MCM3: variants seen among roughly 807,000 people sequenced by gnomAD.
MCM3 encodes minichromosome maintenance complex component 3.
Under a neutral mutation model 91.3 loss-of-function variants are expected in MCM3, and 59 were observed. That is an observed-to-expected ratio of 0.65 (90% CI 0.52 to 0.80). MCM3 has a LOEUF of 0.80. Among genes scored for constraint, MCM3 ranks in the 30% least tolerant of loss-of-function variants. The pLI is 0.00. For synonymous variants in MCM3, 383 were observed against 379.6 expected, an observed-to-expected ratio of 1.01 and a Z score of -0.10; for missense variants, 919 against 1,035.4, an observed-to-expected ratio of 0.89 and a Z score of 1.54.
chr6:52,267,118 G>A (rs950060233), intron 14 of MCM3, among the ~76,000 whole-genome samples: 9 of 35,522 alleles, frequency 2.5e-4, no homozygotes, highest in Non-Finnish European at 6.3e-4. Flanking sequence ...TTTTTGAGAC[G>A]GACGGAGTCT....
chr6:52,269,169 C>T lies in MCM3; in HGVS notation c.1885G>A (p.Ala629Thr). ...ETLIRLATAH[A>T]KARMSKTVDL... is the part of the protein sequence containing the mutation. ...ACAGTCTTGCTCATGCGGGCCTTCG[C>T]ATGGGCTGTGGCCAGTCGAATCAGA... The change falls in exon 13 of 17, where the codon GCG becomes ACG. Residue 629 changes from alanine to threonine, a missense_variant. Ala to Thr is a moderately conservative substitution (Grantham distance 58). This residue lies in a region of MCM3 where 285 missense variants were observed against 311.4 expected (regional missense o/e 0.92). Coordinates refer to ENST00000596288, the MANE Select transcript of MCM3 (RefSeq NM_002388.6). The T allele has an allele frequency of 6.2e-7, 1 of 1,614,020 alleles. No individual in the cohort carries two copies. The highest frequency in any genetic ancestry group is 8.5e-7 in the Non-Finnish European group (1 of 1,179,888).
chr6:52,279,423 C>G lies in MCM3; in HGVS notation c.708G>C (p.Gln236His), dbSNP rs2307331. The G allele has an allele frequency of 6.2e-6, 10 of 1,614,142 alleles. No individual in the cohort carries two copies. Among genetic ancestry groups the G allele is most frequent in the East Asian group, 2.2e-5 (1 of 44,888 alleles). Residue 236 changes from glutamine (Q) to histidine (H), a missense_variant, in exon 5 of 17, where the codon CAG (glutamine) becomes CAC (histidine). Around this residue, in one of 3 missense-constraint regions of MCM3, gnomAD observed 401 missense variants for 402.7 expected, o/e 1.00. Coordinates refer to ENST00000596288, the MANE Select transcript of MCM3 (RefSeq NM_002388.6). The stretch of plus-strand genomic sequence containing the variant: ...GAAGGCAACGGTAGGTTCCCACCAC[C>G]TGAACCCGGTCACCAGGCTTCGCTT... Reference protein sequence around the residue: ...VDKAKPGDRVQVVGTYRCLPG... With the variant: ...VDKAKPGDRVHVVGTYRCLPG...
At chr6:52,274,946 T>C (rs555705739) in intron 9 of MCM3, among the ~76,000 whole-genome samples, 1 of 152,292 alleles carries the variant, frequency 6.6e-6, no homozygotes, top group African/African-American at 2.4e-5. Flanking sequence ...ATTTTACTTT[T>C]AAAGATGAGG....
intron 4 of MCM3, among the ~76,000 whole-genome samples, chr6:52,280,148 G>A (rs1262198787): frequency 1.3e-5 from 2 of 152,144 alleles, no homozygotes; most frequent in Non-Finnish European, 1.5e-5. Context: ...AAAAACAGCT[G>A]AAAGTAATCC....
chr6:52,283,948 T>C (rs976489082), intron 1 of MCM3, among the ~76,000 whole-genome samples: 4 of 152,196 alleles, frequency 2.6e-5, no homozygotes, highest in African/African-American at 9.7e-5. Flanking sequence ...TAAAAAGTAA[T>C]ATTTTTTCCA....
chr6:52,284,524 C>G, intron 1 of MCM3, 73 bp downstream of exon 1: 1 of 1,431,912 alleles, frequency 7.0e-7, no homozygotes. Context: ...TCTGGCGGGC[C>G]TCTGGCTTCC....
chr6:52,281,267 CT>C (rs943158494), intron 4 of MCM3, among the ~76,000 whole-genome samples: 18 of 152,170 alleles, frequency 1.2e-4, no homozygotes, highest in African/African-American at 4.3e-4. Context: ...TATTTTTCTA[CT>C]TTTTAAAAAG....
chr6:52,282,730 G>A lies in MCM3; in HGVS notation c.323C>T (p.Ser108Phe), dbSNP rs746375857. 5.6e-6 allele frequency: 9 copies of A among 1,613,910 alleles called. No homozygotes were observed. The highest frequency in any genetic ancestry group is 3.4e-6 in the Non-Finnish European group (4 of 1,180,046). ...FYVGLEGSFGSKHVSPRTLTS... is the reference protein window; with the variant it reads ...FYVGLEGSFGFKHVSPRTLTS... ...AAGAGTCCGCGGGGAGACGTGCTTG[G>A]AGCCAAAGCTGCCTTCCAGTCCTAC... The change falls in exon 3 of 17, where the codon TCC becomes TTC. Residue 108 changes from serine (S) to phenylalanine (F), a missense_variant. Ser to Phe is a radical substitution (Grantham distance 155, BLOSUM62 -2). This residue lies in a region of MCM3 where 401 missense variants were observed against 402.7 expected (regional missense o/e 1.00). Coordinates refer to ENST00000596288, the MANE Select transcript of MCM3 (RefSeq NM_002388.6).
At chr6:52,271,589 T>C (rs9463777) in intron 12 of MCM3, among the ~76,000 whole-genome samples, 106,545 of 152,008 alleles carry the variant, frequency 0.7, 37,499 homozygotes, top group East Asian at 0.84. Flanking sequence ...TTGCAGTGAG[T>C]TGAGATCGCG....
intron 1 of MCM3, among the ~76,000 whole-genome samples, chr6:52,284,254 G>A (rs1434566740): frequency 2.0e-5 from 3 of 152,218 alleles, no homozygotes; most frequent in Non-Finnish European, 4.4e-5. Flanking sequence ...CCCTAGGGCA[G>A]CCCCTCCCCC....
intron 7 of MCM3, 92 bp from the exon 8 acceptor site, chr6:52,277,290 GT>G: frequency 7.2e-7 from 1 of 1,386,968 alleles, no homozygotes; most frequent in Non-Finnish European, 9.9e-7. Context: ...ACACAACAGA[GT>G]CACACAGTAA....
At chr6:52,275,456 A>C (rs17246380) in intron 9 of MCM3, among the ~76,000 whole-genome samples, 4,999 of 152,370 alleles carry the variant, frequency 0.033, 276 homozygotes, top group African/African-American at 0.11. Flanking sequence ...CAAAGCATTT[A>C]TGAGCATTCA....
intron 9 of MCM3, among the ~76,000 whole-genome samples, chr6:52,275,268 TATAAAC>T (rs1308300681): frequency 1.3e-5 from 2 of 152,194 alleles, no homozygotes; most frequent in Non-Finnish European, 2.9e-5. Flanking sequence ...TGGGATTGAT[TATAAAC>T]TGCCAGGACA....
chr6:52,273,624 G>A, intron 10 of MCM3, 118 bp downstream of exon 10: 1 of 1,059,086 alleles, frequency 9.4e-7, no homozygotes. Flanking sequence ...AACAGTTGAG[G>A]GCTCTTCAAC....
At chr6:52,267,528 CTTT>C (rs773522164) in intron 14 of MCM3, among the ~76,000 whole-genome samples, 5 of 136,268 alleles carry the variant, frequency 3.7e-5, no homozygotes, top group East Asian at 2.1e-4. Context: ...GAACTTACTA[CTTT>C]TTTTTTTTTT....
chr6:52,275,229 G>A (rs924629762), intron 9 of MCM3, among the ~76,000 whole-genome samples: 3 of 152,162 alleles, frequency 2.0e-5, no homozygotes, highest in Non-Finnish European at 4.4e-5. Context: ...AAACACCATC[G>A]CATCGCAACA....
chr6:52,265,201 C>T (rs1286145575), intron 16 of MCM3: 4 of 357,198 alleles, frequency 1.1e-5, no homozygotes, highest in Non-Finnish European at 2.3e-5. Flanking sequence ...TGTCTATCAT[C>T]AGAGAATTTC....
Position 52,264,070 on chromosome 6 carries a change from T to C in MCM3, c.*518A>G, listed in dbSNP as rs145254762. On this transcript the variant is annotated 3_prime_UTR_variant, in exon 17 of 17. Transcript: ENST00000596288. ...ACATCTCGGATATTCATCTGGATAT[T>C]GGGTTTGTTTTGTGATACAATACAT... The C allele has an allele frequency of 6.3e-6, 1 of 159,490 alleles. No homozygotes were observed. Among genetic ancestry groups the C allele is most frequent in the Non-Finnish European group, 1.4e-5 (1 of 72,082 alleles). The allele number at this position is 159,490 out of a possible 1,614,324, so 9.9% of individuals were successfully genotyped here. A position where few individuals can be genotyped will look rare whatever the true frequency, so the allele number is the denominator to read the frequency against.
chr6:52,273,920 G>A lies in MCM3; in HGVS notation c.1375-4C>T. ...TTGGAGTCTTATACTGGTCATACTG[G>A]GGAATGCGAGGACAACAGAAGTGGA... On this transcript the variant is annotated splice_region_variant and splice_polypyrimidine_tract_variant and intron_variant, in intron 9 of 16. Transcript: ENST00000596288. The A allele has an allele frequency of 6.2e-7, 1 of 1,602,764 alleles. No individual in the cohort carries two copies. Among genetic ancestry groups the A allele is most frequent in the Non-Finnish European group, 8.5e-7 (1 of 1,172,854 alleles).
Sources: gnomAD v4.1 joint callset for allele counts (sites outside exome capture counted in the v4.1 genomes callset) on GRCh38, gnomAD v4.1.1 for gene constraint, gnomAD v4.1.1 regional missense constraint, MANE v1.5 for transcripts, NCBI Gene and HGNC (gene_info 2026-07-23, HGNC 2026-07-21) for gene names.